Variants in ZAN observed in about 807,000 individuals in gnomAD.
ZAN encodes zonadhesin (gene/pseudogene).
ZAN carries 260 observed loss-of-function variants against 286.2 expected under a neutral mutation model. That is an observed-to-expected ratio of 0.91 (90% CI 0.82 to 1.01). The LOEUF is 1.01. ZAN is among the 50% of genes least tolerant of loss of function. The pLI is 0.00. For missense variants in ZAN, 3,410 were observed against 3,639.2 expected (o/e 0.94, Z 1.62); for synonymous variants, 1,368 against 1,417.5 (o/e 0.97, Z 0.79).
At chr7:100,744,086 C>T (rs1808008935) in intron 7 of ZAN, among the ~76,000 whole-genome samples, 1 of 149,430 alleles carries the variant, frequency 6.7e-6, no homozygotes, top group Non-Finnish European at 1.5e-5. Flanking sequence ...TTCCACTTTA[C>T]CATTTCCACA....
intron 11 of ZAN, among the ~76,000 whole-genome samples, chr7:100,749,412 G>A (rs1808454493): frequency 2.6e-5 from 4 of 151,752 alleles, no homozygotes; most frequent in Admixed American, 2.0e-4. Context: ...AGGCCAAGGA[G>A]GGCGGATCAC....
In ZAN at chr7:100,791,124, T is replaced by C. The variant is rs745319775; in HGVS notation, c.7529+11T>C. ...CCTGCGCTTCCCCAGGTGCACGGCCTGGAAGGGATGAGGCGGGGGAGGTGA... is the reference window on the plus strand; with the variant it reads ...CCTGCGCTTCCCCAGGTGCACGGCCCGGAAGGGATGAGGCGGGGGAGGTGA... On this transcript the variant is annotated intron_variant, in intron 40 of 47. Coordinates refer to ENST00000613979, the MANE Select transcript of ZAN (RefSeq NM_003386.3). 1 of 1,607,532 alleles carries C rather than the reference T, an allele frequency of 6.2e-7. No individual in the cohort carries two copies. Among genetic ancestry groups the C allele is most frequent in the South Asian group, 1.1e-5 (1 of 89,928 alleles).
At chr7:100,797,243 A>C (rs2116374503) in intron 45 of ZAN, 123 bp from the exon 46 acceptor site, 1 of 870,510 alleles carries the variant, frequency 1.1e-6, no homozygotes, top group Non-Finnish European at 1.8e-6. Flanking sequence ...AAGCAGACAC[A>C]CCTAGAGATT....
intron 42 of ZAN, among the ~76,000 whole-genome samples, chr7:100,793,169 C>T (rs1448214906): frequency 6.6e-6 from 1 of 151,302 alleles, no homozygotes; most frequent in African/African-American, 2.4e-5. Flanking sequence ...GAGACCCCAT[C>T]TCTATAAAAA....
At chr7:100,778,793 G>A (rs1293862429) in intron 34 of ZAN, among the ~76,000 whole-genome samples, 1 of 152,016 alleles carries the variant, frequency 6.6e-6, no homozygotes, top group Non-Finnish European at 1.5e-5. Context: ...AGCACTTCGC[G>A]AGGCCGAGGC....
chr7:100,765,353 A>G lies in ZAN; in HGVS notation c.4269A>G (p.Pro1423=), dbSNP rs779736350. 7.1e-5 allele frequency: 114 copies of G among 1,613,596 alleles called. No homozygotes were observed. Among genetic ancestry groups the G allele is most frequent in the Non-Finnish European group, 9.4e-5 (111 of 1,179,820 alleles). The change falls in exon 23 of 48, where the codon CCA becomes CCG. Residue 1423 remains proline, a splice_region_variant and synonymous_variant. Transcript: ENST00000613979. Reference sequence around the variant, plus strand: ...CACCCAAGCTTCTCCCTCCACCAGCAATGGCCTGCCCGCCCAACAGCAAGT... The same window carrying G: ...CACCCAAGCTTCTCCCTCCACCAGCGATGGCCTGCCCGCCCAACAGCAAGT... ...VKPWREPHFC[P]MACPPNSKYS...
At chr7:100,740,226 C>G (rs1807638631) in intron 7 of ZAN, among the ~76,000 whole-genome samples, 1 of 140,302 alleles carries the variant, frequency 7.1e-6, no homozygotes, top group East Asian at 2.0e-4. Flanking sequence ...AGGACTGTGG[C>G]TTTCCTATTC....
At chr7:100,753,420 ATGGCAGGGCTG>A (rs1239426184) in intron 14 of ZAN, among the ~76,000 whole-genome samples, 191 bp downstream of exon 14, 1 of 152,168 alleles carries the variant, frequency 6.6e-6, no homozygotes, top group African/African-American at 2.4e-5. Flanking sequence ...AGCGAGAGGG[ATGGCAGGGCTG>A]GAGTGGGTGG....
Position 100,765,530 on chromosome 7 carries a change from C to T in ZAN, c.4446C>T (p.Leu1482=), listed in dbSNP as rs779260678. The change falls in exon 23 of 48, where the codon CTC becomes CTT. Residue 1482 remains leucine, a synonymous_variant. Transcript: ENST00000613979. ...TACCTCGCTCCCAGTGTGGGTGCCT[C>T]CACCCTGCAGGCAGCTACTTCAAGG... ...ECIPRSQCGC[L]HPAGSYFKVG... The T allele has an allele frequency of 5.6e-6, 9 of 1,607,732 alleles. No homozygotes were observed. The highest frequency in any genetic ancestry group is 6.8e-6 in the Non-Finnish European group (8 of 1,177,288).
chr7:100,751,410 C>A, intron 13 of ZAN, 144 bp downstream of exon 13: 1 of 622,932 alleles, frequency 1.6e-6, no homozygotes, highest in Non-Finnish European at 2.6e-6. Context: ...CAACACACCT[C>A]TCCTTCCCCT....
intron 33 of ZAN, among the ~76,000 whole-genome samples, chr7:100,776,124 G>A (rs993812469): frequency 6.6e-6 from 1 of 151,942 alleles, no homozygotes; most frequent in Non-Finnish European, 1.5e-5. Flanking sequence ...GACCAGCCTG[G>A]CCAACATGGT....
intron 17 of ZAN, 30 bp from the exon 18 acceptor site, chr7:100,759,691 T>C: frequency 1.3e-6 from 2 of 1,564,402 alleles, no homozygotes; most frequent in African/African-American, 1.4e-5. Flanking sequence ...AATGAGCCAC[T>C]GGGCTCTCTT....
At position 100,751,811 on chromosome 7, in the gene ZAN, AACCT is replaced by A; in HGVS notation, c.1709_1712del (p.Pro570GlnfsTer4). 6.2e-7 allele frequency: 1 copy of A among 1,613,724 alleles called. No individual in the cohort carries two copies. The highest frequency in any genetic ancestry group is 8.5e-7 in the Non-Finnish European group (1 of 1,179,846). On this transcript the variant is annotated frameshift_variant, in exon 14 of 48. Coordinates refer to ENST00000613979, the MANE Select transcript of ZAN (RefSeq NM_003386.3). LOFTEE classifies it high-confidence loss of function. ...GAAAACCCTACAATCTCCACCAAGA[AACCT>A]ACAGTTTCCATAGAAAAACCCAGTG...
chr7:100,794,226 C>A lies in ZAN; in HGVS notation c.8093C>A (p.Thr2698Asn), dbSNP rs776354422. 5.6e-6 allele frequency: 9 copies of A among 1,611,150 alleles called. No homozygotes were observed. The Admixed American group carries it at 1.0e-4, about 18-fold the overall frequency. Residue 2698 changes from threonine to asparagine, a missense_variant, in exon 44 of 48, where the codon ACC (threonine) becomes AAC (asparagine). Thr to Asn is a moderately conservative substitution (Grantham distance 65). Transcript: ENST00000613979. Reference sequence around the variant, plus strand: ...AGCTGCAGAGCGGGGGAGGTCTGCACCCTGGGGAACCACACCCAAGGCTGC... The same window carrying A: ...AGCTGCAGAGCGGGGGAGGTCTGCAACCTGGGGAACCACACCCAAGGCTGC... ...PFSCRAGEVC[T>N]LGNHTQGCFP...
In ZAN at chr7:100,773,732, C is replaced by T; in HGVS notation, c.5646C>T (p.Arg1882=). The change falls in exon 31 of 48, where the codon CGC becomes CGT. Residue 1882 remains arginine (R), a synonymous_variant. Coordinates refer to ENST00000613979, the MANE Select transcript of ZAN (RefSeq NM_003386.3). ...PAGSYHPVGE[R]WYTENTCTRL... ...CCTGTGGCCCACAGGTCGGGGAGCG[C>T]TGGTACACAGAGAACACCTGCACCA... 1 of 1,610,074 alleles carries T rather than the reference C, an allele frequency of 6.2e-7. No homozygotes were observed. The highest frequency in any genetic ancestry group is 8.5e-7 in the Non-Finnish European group (1 of 1,178,156).
intron 11 of ZAN, among the ~76,000 whole-genome samples, chr7:100,749,433 G>A (rs530238012): frequency 6.6e-6 from 1 of 150,684 alleles, no homozygotes; most frequent in South Asian, 2.1e-4. Flanking sequence ...AAGGTCAGGA[G>A]ATCGAGACCA....
chr7:100,794,256 C>G lies in ZAN; in HGVS notation c.8123C>G (p.Pro2708Arg). The change falls in exon 44 of 48, where the codon CCA (proline) becomes CGA (arginine). Residue 2708 changes from proline (P) to arginine (R), a missense_variant and splice_region_variant. Coordinates refer to ENST00000613979, the MANE Select transcript of ZAN (RefSeq NM_003386.3). ...GGGAACCACACCCAAGGCTGCTTTC[C>G]AGGTGAACCTGCACTCCTGCCCGGT... Reference protein sequence around the residue: ...TLGNHTQGCFPESPCLQNPCQ... With the variant: ...TLGNHTQGCFRESPCLQNPCQ... The G allele has an allele frequency of 1.3e-6, 2 of 1,599,264 alleles. No homozygotes were observed. Among genetic ancestry groups the G allele is most frequent in the Non-Finnish European group, 1.7e-6 (2 of 1,171,828 alleles).
At chr7:100,780,759 CA>C (rs1478938860) in intron 35 of ZAN, among the ~76,000 whole-genome samples, 9 of 152,028 alleles carry the variant, frequency 5.9e-5, no homozygotes, top group African/African-American at 2.2e-4. Context: ...GTATTTTTCC[CA>C]AGACCACTTA....
At chr7:100,761,154 A>G (rs944075604) in intron 19 of ZAN, among the ~76,000 whole-genome samples, 1 of 152,054 alleles carries the variant, frequency 6.6e-6, no homozygotes, top group Non-Finnish European at 1.5e-5. Flanking sequence ...TCGGCCTCCC[A>G]AAGTCTTGGA....
Sources: gnomAD v4.1 joint callset for allele counts (sites outside exome capture counted in the v4.1 genomes callset) on GRCh38, gnomAD v4.1.1 for gene constraint, MANE v1.5 for transcripts, NCBI Gene and HGNC (gene_info 2026-07-23, HGNC 2026-07-21) for gene names.